SLIT3: variants seen among roughly 807,000 people sequenced by gnomAD.
SLIT3 encodes the protein slit guidance ligand 3.
SLIT3 carries 68 observed loss-of-function variants against 184.0 expected under a neutral mutation model. That is an observed-to-expected ratio of 0.37 (90% CI 0.30 to 0.45). The LOEUF is 0.45. SLIT3 is among the 20% of genes least tolerant of loss of function. SLIT3 has a pLI of 1.00. For synonymous variants in SLIT3, 831 were observed against 828.6 expected (o/e 1.00, Z -0.05); for missense variants, 1,707 against 2,026.0 (o/e 0.84, Z 3.02).
At chr5:168,685,950 G>A (rs200751949) in intron 30 of SLIT3, 23 bp from the exon 31 acceptor site, 3 of 1,591,772 alleles carry the variant, frequency 1.9e-6, no homozygotes, top group African/African-American at 2.7e-5. Context: ...AGAGAATGGG[G>A]AGGGAGATAG....
intron 5 of SLIT3, among the ~76,000 whole-genome samples, chr5:168,859,592 T>G (rs1206714837): frequency 6.6e-6 from 1 of 152,244 alleles, no homozygotes; most frequent in East Asian, 1.9e-4. Context: ...CAATGTGGTT[T>G]TCAATTTTAA....
intron 6 of SLIT3, 110 bp from the exon 7 acceptor site, chr5:168,823,441 A>G (rs1192985801): frequency 2.5e-6 from 2 of 803,986 alleles, no homozygotes; most frequent in Non-Finnish European, 2.2e-6. Flanking sequence ...CCATGAGTCA[A>G]CAGTCATGGC....
At chr5:169,022,446 A>G (rs1756637418) in intron 4 of SLIT3, among the ~76,000 whole-genome samples, 2 of 152,316 alleles carry the variant, frequency 1.3e-5, no homozygotes, top group South Asian at 4.1e-4. Context: ...AGTGCCTGCT[A>G]TTTAGTTTTT....
intron 3 of SLIT3, among the ~76,000 whole-genome samples, chr5:169,200,078 T>TA (rs1763864089): frequency 1.3e-5 from 2 of 152,282 alleles, no homozygotes; most frequent in South Asian, 4.2e-4. Context: ...AGAAACTTCT[T>TA]AGAGACTCAG....
At chr5:168,784,819 G>C (rs1387745530) in intron 12 of SLIT3, among the ~76,000 whole-genome samples, 1 of 152,042 alleles carries the variant, frequency 6.6e-6, no homozygotes, top group East Asian at 1.9e-4. Flanking sequence ...AGGTGGGGAG[G>C]TGCCAGGCCT....
intron 4 of SLIT3, among the ~76,000 whole-genome samples, chr5:169,036,931 A>T (rs948561553): frequency 1.3e-5 from 2 of 152,140 alleles, no homozygotes; most frequent in African/African-American, 4.8e-5. Flanking sequence ...TCATGCCTAG[A>T]CACTTTTCTA....
intron 5 of SLIT3, among the ~76,000 whole-genome samples, chr5:168,864,934 G>A (rs183741513): frequency 3.7e-4 from 56 of 152,276 alleles, no homozygotes; most frequent in African/African-American, 1.2e-3. Flanking sequence ...TTGGGAGACC[G>A]AGGCGGGTGG....
intron 14 of SLIT3, among the ~76,000 whole-genome samples, chr5:168,771,746 A>G (rs1383047046): frequency 1.3e-5 from 2 of 152,238 alleles, no homozygotes; most frequent in Non-Finnish European, 2.9e-5. Context: ...TTCTGGAGAC[A>G]TGGACTAAAG....
intron 5 of SLIT3, among the ~76,000 whole-genome samples, chr5:168,868,824 C>T (rs1454157475): frequency 2.0e-5 from 3 of 151,542 alleles, no homozygotes; most frequent in Non-Finnish European, 4.4e-5. Flanking sequence ...ATTAATCATC[C>T]TTATTTTATT....
chr5:168,954,508 G>C (rs909778073), intron 4 of SLIT3, among the ~76,000 whole-genome samples: 19 of 152,132 alleles, frequency 1.2e-4, no homozygotes, highest in African/African-American at 4.3e-4. Context: ...CTCAAAGCTG[G>C]TTAGCTCCTG....
At chr5:169,094,042 AGGAATGAAT>A (rs1417626787) in intron 4 of SLIT3, among the ~76,000 whole-genome samples, 1 of 152,240 alleles carries the variant, frequency 6.6e-6, no homozygotes, top group Non-Finnish European at 1.5e-5. Flanking sequence ...ACTATGAAGT[AGGAATGAAT>A]GTTAATCCCA....
chr5:168,710,174 C>T (rs1439399325), intron 25 of SLIT3: 2 of 152,088 alleles, frequency 1.3e-5, no homozygotes, highest in African/African-American at 4.8e-5. Flanking sequence ...ACTGCGCATT[C>T]TGGAATCAGA....
At chr5:168,980,583 T>C (rs572569339) in intron 4 of SLIT3, among the ~76,000 whole-genome samples, 37 of 152,286 alleles carry the variant, frequency 2.4e-4, no homozygotes, top group Middle Eastern at 3.4e-3. Flanking sequence ...CCACATGATA[T>C]TTCAACTTGG....
chr5:169,106,772 CCT>C (rs1760226755), intron 4 of SLIT3, among the ~76,000 whole-genome samples: 1 of 152,170 alleles, frequency 6.6e-6, no homozygotes, highest in East Asian at 1.9e-4. Flanking sequence ...TCAAAATGAC[CCT>C]GTGTCAAAGC....
At chr5:168,666,878 G>C in intron 35 of SLIT3, 189 bp from the exon 36 acceptor site, 1 of 893,812 alleles carries the variant, frequency 1.1e-6, no homozygotes, top group Non-Finnish European at 1.8e-6. Flanking sequence ...CCTGTACCAG[G>C]CTCTCTGACA....
At chr5:169,156,238 A>G (rs957702482) in intron 4 of SLIT3, among the ~76,000 whole-genome samples, 2 of 152,206 alleles carry the variant, frequency 1.3e-5, no homozygotes, top group African/African-American at 4.8e-5. Context: ...ACAAAGAGTG[A>G]GAAATCAATA....
chr5:168,816,564 A>C (rs775099451), intron 8 of SLIT3, among the ~76,000 whole-genome samples: 1 of 152,166 alleles, frequency 6.6e-6, no homozygotes, highest in Non-Finnish European at 1.5e-5. Flanking sequence ...CAGAGATCTG[A>C]GCTGCCTTCA....
At chr5:169,080,152 G>T (rs1411214454) in intron 4 of SLIT3, among the ~76,000 whole-genome samples, 5 of 152,016 alleles carry the variant, frequency 3.3e-5, no homozygotes, top group Non-Finnish European at 7.4e-5. Context: ...AAACATCAAG[G>T]CTAGGGGGAT....
chr5:169,210,797 C>G (rs762604576), intron 3 of SLIT3, among the ~76,000 whole-genome samples: 4 of 152,214 alleles, frequency 2.6e-5, no homozygotes, highest in Non-Finnish European at 5.9e-5. Context: ...GAAACTGGTT[C>G]ATTGTTTCCA....
Sources: gnomAD v4.1 joint callset for allele counts (sites outside exome capture counted in the v4.1 genomes callset) on GRCh38, gnomAD v4.1.1 for gene constraint, MANE v1.5 for transcripts, NCBI Gene and HGNC (gene_info 2026-07-23, HGNC 2026-07-21) for gene names.